SCLT1: variants seen among roughly 807,000 people sequenced by gnomAD.
SCLT1 encodes sodium channel-associated protein 1.
A neutral mutation model predicts 112.8 loss-of-function variants in SCLT1; 78 were observed. The observed-to-expected ratio is 0.69, with a 90% confidence interval of 0.58 to 0.83. The LOEUF is 0.83. Among genes scored for constraint, SCLT1 ranks in the 40% least tolerant of loss-of-function variants. The pLI is 0.00. For missense variants in SCLT1, 747 were observed against 770.4 expected (o/e 0.97, Z 0.36); for synonymous variants, 257 against 254.7 (o/e 1.01, Z -0.09).
In SCLT1 at chr4:128,948,494, A is replaced by G. The variant is rs1430183090; in HGVS notation, c.1293+2T>C. ...GTAGTTATATTTCCTTTTTCTTTTTACCTTTTCTAGTTCTTCTTCCACTGC... is the reference window on the plus strand; with the variant it reads ...GTAGTTATATTTCCTTTTTCTTTTTGCCTTTTCTAGTTCTTCTTCCACTGC... On this transcript the variant is annotated splice_donor_variant, in intron 15 of 20. Coordinates refer to ENST00000281142, the MANE Select transcript of SCLT1 (RefSeq NM_144643.4). LOFTEE classifies it high-confidence loss of function. The G allele has an allele frequency of 6.2e-7, 1 of 1,605,494 alleles. No individual in the cohort carries two copies. The highest frequency in any genetic ancestry group is 1.1e-5 in the South Asian group (1 of 90,680).
At chr4:128,955,297 C>G in intron 13 of SCLT1, among the ~76,000 whole-genome samples, 1 of 152,186 alleles carries the variant, frequency 6.6e-6, no homozygotes, top group Non-Finnish European at 1.5e-5. Flanking sequence ...CATTTTTCCT[C>G]TATAATTTTA....
At chr4:128,976,020 T>C (rs1369757711) in intron 9 of SCLT1, among the ~76,000 whole-genome samples, 1 of 152,222 alleles carries the variant, frequency 6.6e-6, no homozygotes, top group Non-Finnish European at 1.5e-5. Flanking sequence ...ACGTTATTTG[T>C]ATATTATTTA....
chr4:128,897,747 G>A (rs1162963967), intron 18 of SCLT1, among the ~76,000 whole-genome samples: 3 of 152,146 alleles, frequency 2.0e-5, no homozygotes, highest in South Asian at 4.1e-4. Context: ...AAAGAGTCAA[G>A]ACACATCAGT....
intron 3 of SCLT1, among the ~76,000 whole-genome samples, chr4:128,878,524 CTCT>C (rs1178339258): frequency 1.1e-4 from 17 of 152,200 alleles, no homozygotes; most frequent in Admixed American, 7.9e-4. Flanking sequence ...CTTGGAGCTT[CTCT>C]TTTTTATATC....
chr4:129,092,972 AT>A, intron 1 of SCLT1, 97 bp downstream of exon 1: 1 of 916,194 alleles, frequency 1.1e-6, no homozygotes, highest in Non-Finnish European at 1.8e-6. Flanking sequence ...CTCTTTACCA[AT>A]TTAAATGTAC....
intron 4 of SCLT1, among the ~76,000 whole-genome samples, chr4:129,041,358 G>C (rs1252941148): frequency 6.6e-6 from 1 of 152,146 alleles, no homozygotes; most frequent in African/African-American, 2.4e-5. Context: ...TGACATTTGG[G>C]TCTAAAGGAC....
intron 9 of SCLT1, among the ~76,000 whole-genome samples, chr4:128,975,379 A>G (rs565297075): frequency 5.9e-5 from 9 of 152,284 alleles, no homozygotes; most frequent in African/African-American, 1.9e-4. Context: ...GCAAAATTTA[A>G]TCAAGTATAA....
downstream of SCLT1, among the ~76,000 whole-genome samples, chr4:128,879,444 AT>A (rs564303252): frequency 2.1e-3 from 325 of 152,300 alleles, no homozygotes; most frequent in Admixed American, 3.7e-3. Flanking sequence ...AGGTGTCAAA[AT>A]TATAAATTCC....
At chr4:128,960,341 T>C (rs576244549) in intron 11 of SCLT1, among the ~76,000 whole-genome samples, 1 of 152,098 alleles carries the variant, frequency 6.6e-6, no homozygotes, top group African/African-American at 2.4e-5. Context: ...GACAGGAGCT[T>C]TTTAAACTTT....
chr4:129,092,964 CTT>C (rs1752985142), intron 1 of SCLT1, 104 bp downstream of exon 1: 2 of 855,078 alleles, frequency 2.3e-6, no homozygotes, highest in Non-Finnish European at 2.0e-6. Flanking sequence ...TTCTTTAACT[CTT>C]TACCAATTTA....
chr4:128,967,057 G>A (rs1281219904), intron 10 of SCLT1, among the ~76,000 whole-genome samples: 3 of 151,980 alleles, frequency 2.0e-5, no homozygotes, highest in South Asian at 2.1e-4. Flanking sequence ...TCCCTTTAGC[G>A]TCCATTTGTA....
intron 4 of SCLT1, among the ~76,000 whole-genome samples, chr4:128,876,316 T>C (rs917282186): frequency 6.6e-6 from 1 of 152,164 alleles, no homozygotes; most frequent in Non-Finnish European, 1.5e-5. Flanking sequence ...GTAAGACCCC[T>C]GAGAGAAACA....
chr4:128,890,922 G>C (rs1733259352), intron 19 of SCLT1, 137 bp downstream of exon 19: 1 of 589,394 alleles, frequency 1.7e-6, no homozygotes, highest in African/African-American at 1.9e-5. Context: ...ATTGCGTGTG[G>C]GCTTTTAGGG....
intron 1 of SCLT1, 44 bp downstream of exon 1, chr4:129,093,023 CGAT>C (rs1251848875): frequency 3.0e-6 from 4 of 1,333,456 alleles, no homozygotes; most frequent in South Asian, 1.2e-5. Context: ...TCAACGACGA[CGAT>C]ATTAAACATT....
At chr4:128,947,490 T>C (rs1738275455) in intron 15 of SCLT1, among the ~76,000 whole-genome samples, 1 of 152,220 alleles carries the variant, frequency 6.6e-6, no homozygotes, top group African/African-American at 2.4e-5. Context: ...ATGTTCATAA[T>C]AGATATAGAC....
chr4:128,967,056 C>T (rs182522262), intron 10 of SCLT1, among the ~76,000 whole-genome samples: 4 of 152,226 alleles, frequency 2.6e-5, no homozygotes, highest in East Asian at 3.9e-4. Context: ...TTCCCTTTAG[C>T]GTCCATTTGT....
chr4:128,933,181 G>A (rs1736908734), intron 18 of SCLT1, among the ~76,000 whole-genome samples: 1 of 151,994 alleles, frequency 6.6e-6, no homozygotes, highest in African/African-American at 2.4e-5. Flanking sequence ...CTTCACACTA[G>A]GGCTATTATG....
At position 128,983,429 on chromosome 4, in the gene SCLT1, T is replaced by C. The variant is rs139092888; in HGVS notation, c.686+8738A>G. ...AATCTCAGTTTAAATGAATAAATAC[T>C]GAGTAGGTTCACAAGAATAAAAAAG... is the stretch of plus-strand genomic sequence containing the variant. On this transcript the variant is annotated intron_variant, in intron 9 of 20. Transcript: ENST00000281142. 3.5e-4 allele frequency among the ~76,000 whole-genome samples: 53 copies of C among 152,278 alleles called. 1 individual carries two copies. In the East Asian group the frequency reaches 5.2e-3, roughly 15 times the overall value.
intron 9 of SCLT1, among the ~76,000 whole-genome samples, chr4:128,991,595 A>AT (rs1742576477): frequency 6.6e-6 from 1 of 151,824 alleles, no homozygotes; most frequent in Admixed American, 6.6e-5. Flanking sequence ...AATAACCAGA[A>AT]TTGGAATATA....
Sources: gnomAD v4.1 joint callset for allele counts (sites outside exome capture counted in the v4.1 genomes callset) on GRCh38, gnomAD v4.1.1 for gene constraint, MANE v1.5 for transcripts, NCBI Gene and HGNC (gene_info 2026-07-23, HGNC 2026-07-21) for gene names.